Variants in UBA6 observed in about 807,000 individuals in gnomAD.
UBA6 encodes ubiquitin like modifier activating enzyme 6.
A neutral mutation model predicts 148.3 loss-of-function variants in UBA6; 87 were observed. That is an observed-to-expected ratio of 0.59 (90% confidence interval 0.49 to 0.70). UBA6 has a LOEUF of 0.70. UBA6 is among the 30% of genes least tolerant of loss of function. The pLI is 0.00. For synonymous variants in UBA6, 376 were observed against 401.0 expected (o/e 0.94, Z 0.75); for missense variants, 1,186 against 1,241.2 (o/e 0.96, Z 0.67).
chr4:67,687,053 T>TTTTTG (rs1730588730), intron 2 of UBA6, among the ~76,000 whole-genome samples: 1 of 146,248 alleles, frequency 6.8e-6, no homozygotes, highest in African/African-American at 2.6e-5. Context: ...TTTTTTTTTT[T>TTTTTG]GAGACAGAGT....
chr4:67,625,013 G>A lies in UBA6; in HGVS notation c.2693C>T (p.Thr898Ile), dbSNP rs947077541. 6.2e-7 allele frequency: 1 copy of A among 1,608,402 alleles called. No individual in the cohort carries two copies. Among genetic ancestry groups the A allele is most frequent in the Non-Finnish European group, 8.5e-7 (1 of 1,176,062 alleles). Residue 898 changes from threonine (T) to isoleucine (I), a missense_variant, in exon 29 of 33, where the codon ACT (threonine) becomes ATT (isoleucine). Coordinates refer to ENST00000322244, the MANE Select transcript of UBA6 (RefSeq NM_018227.6). ...GKIIPAIATTTATVSGLVALE... is the reference protein window; with the variant it reads ...GKIIPAIATTIATVSGLVALE... ...ACTTACCAAGCCAGAAACTGTAGCA[G>A]TGGTTGTTGCTATAGCAGGTATAAT...
intron 9 of UBA6, among the ~76,000 whole-genome samples, chr4:67,666,738 G>T (rs1312198686): frequency 6.6e-6 from 1 of 151,934 alleles, no homozygotes; most frequent in Non-Finnish European, 1.5e-5. Context: ...AGCCAGGTGT[G>T]GTGGCACACA....
rs775847041 is a variant in UBA6 at position 67,622,910 on chromosome 4, C to G, written c.2944G>C (p.Glu982Gln). Reference sequence around the variant, plus strand: ...ACTCCCTGTACCACCATTGTTGGCTCAATTCCATACTTCTCCTAAAAGTGA... The same window carrying G: ...ACTCCCTGTACCACCATTGTTGGCTGAATTCCATACTTCTCCTAAAAGTGA... ...INAVKEKYGI[E>Q]PTMVVQGVKM... Residue 982 changes from glutamate to glutamine, a missense_variant, in exon 32 of 33, where the codon GAG (glutamate) becomes CAG (glutamine). Glu to Gln is a conservative substitution (Grantham distance 29). Coordinates refer to ENST00000322244, the MANE Select transcript of UBA6 (RefSeq NM_018227.6). 1 of 1,609,110 alleles carries G rather than the reference C, an allele frequency of 6.2e-7. No individual in the cohort carries two copies. Among genetic ancestry groups the G allele is most frequent in the Non-Finnish European group, 8.5e-7 (1 of 1,178,086 alleles).
Position 67,618,994 on chromosome 4 carries a change from G to T in UBA6, c.*3C>A. 1 of 1,612,712 alleles carries T rather than the reference G, an allele frequency of 6.2e-7. No individual in the cohort carries two copies. On this transcript the variant is annotated 3_prime_UTR_variant, in exon 33 of 33. Coordinates refer to ENST00000322244, the MANE Select transcript of UBA6 (RefSeq NM_018227.6). ...TCCTGGAGTAACGTTAAGACAACTT[G>T]TATTAATCAGTGTCATGACTGAAGT... is the stretch of plus-strand genomic sequence containing the variant.
chr4:67,679,944 T>G (rs1472751379), intron 4 of UBA6, among the ~76,000 whole-genome samples: 1 of 152,106 alleles, frequency 6.6e-6, no homozygotes, highest in African/African-American at 2.4e-5. Flanking sequence ...TGGAACAATC[T>G]GAGCATCAAT....
At chr4:67,645,203 G>C (rs1328011895) in intron 16 of UBA6, among the ~76,000 whole-genome samples, 1 of 152,076 alleles carries the variant, frequency 6.6e-6, no homozygotes, top group East Asian at 1.9e-4. Context: ...AGAATAAGCA[G>C]TAATTTTCAG....
At chr4:67,660,380 G>A (rs1729818430) in intron 13 of UBA6, among the ~76,000 whole-genome samples, 1 of 152,170 alleles carries the variant, frequency 6.6e-6, no homozygotes, top group South Asian at 2.1e-4. Context: ...TGGGCCCAGG[G>A]CCTTGCTACT....
rs914961220 is a variant in UBA6 at position 67,643,219 on chromosome 4, T to TA, written c.1476+1478dup. 1.7e-4 allele frequency among the ~76,000 whole-genome samples: 26 copies of TA among 151,722 alleles called. No homozygotes were observed. The South Asian group carries it at 1.9e-3, about 11-fold the overall frequency. ...AAGTATAATAATAATAAAATAAAAT[T>TA]AAAAAAAATTCTATTATTGGTAGCA... On this transcript the variant is annotated intron_variant, in intron 17 of 32. Coordinates refer to ENST00000322244, the MANE Select transcript of UBA6 (RefSeq NM_018227.6).
intron 16 of UBA6, 80 bp downstream of exon 16, chr4:67,645,858 G>A (rs1729410759): frequency 6.3e-6 from 5 of 798,958 alleles, no homozygotes; most frequent in Non-Finnish European, 1.0e-5. Flanking sequence ...TACACACTTA[G>A]ACTCAAATTT....
At chr4:67,681,693 C>CT (rs1202851935) in intron 3 of UBA6, 102 bp from the exon 4 acceptor site, 7 of 733,886 alleles carry the variant, frequency 9.5e-6, no homozygotes, top group Admixed American at 2.9e-5. Flanking sequence ...CTTTTAACTT[C>CT]TTTTTTTACT....
chr4:67,699,947 T>C (rs1027512930), intron 1 of UBA6, among the ~76,000 whole-genome samples: 1 of 152,160 alleles, frequency 6.6e-6, no homozygotes, highest in East Asian at 1.9e-4. Context: ...TTATCCCTAG[T>C]ACACTTTCAC....
At chr4:67,700,942 C>T in intron 1 of UBA6, 107 bp downstream of exon 1, 2 of 1,409,934 alleles carry the variant, frequency 1.4e-6, no homozygotes, top group Non-Finnish European at 2.0e-6. Context: ...CTCTGCTCGG[C>T]CCCGCGGCCT....
Position 67,662,197 on chromosome 4 carries a change from C to T in UBA6, c.1096G>A (p.Glu366Lys), listed in dbSNP as rs1288000844. The T allele has an allele frequency of 6.2e-7, 1 of 1,613,440 alleles. No individual in the cohort carries two copies. The highest frequency in any genetic ancestry group is 8.5e-7 in the Non-Finnish European group (1 of 1,179,804). Reference protein sequence around the residue: ...KLATSISETLEEKPDVNADIV... With the variant: ...KLATSISETLKEKPDVNADIV... ...TAAATTTCAATAGTCACCTTCTCTT[C>T]CAAGGTTTCACTTATAGATGTTGCT... Residue 366 changes from glutamate to lysine, a missense_variant, in exon 13 of 33, where the codon GAA (glutamate) becomes AAA (lysine). Coordinates refer to ENST00000322244, the MANE Select transcript of UBA6 (RefSeq NM_018227.6).
intron 3 of UBA6, among the ~76,000 whole-genome samples, chr4:67,681,883 TAGAG>T (rs1730448561): frequency 6.6e-6 from 1 of 152,206 alleles, no homozygotes. Flanking sequence ...TTAATGGATA[TAGAG>T]AATGATAATT....
At chr4:67,688,618 GA>G (rs1053406459) in intron 2 of UBA6, among the ~76,000 whole-genome samples, 8 of 152,096 alleles carry the variant, frequency 5.3e-5, no homozygotes, top group African/African-American at 1.9e-4. Context: ...AGAATCTGTT[GA>G]TCAGTAAACT....
chr4:67,692,377 ACC>A (rs1364826783), intron 2 of UBA6, among the ~76,000 whole-genome samples: 1 of 152,198 alleles, frequency 6.6e-6, no homozygotes, highest in Non-Finnish European at 1.5e-5. Context: ...AGAAGCAAGC[ACC>A]AGGATTTAAG....
chr4:67,686,259 T>C (rs1022460581), intron 2 of UBA6, among the ~76,000 whole-genome samples: 2 of 152,132 alleles, frequency 1.3e-5, no homozygotes, highest in African/African-American at 4.8e-5. Flanking sequence ...GTAACACCCC[T>C]CCAAACATTT....
Position 67,672,563 on chromosome 4 carries a change from T to TA in UBA6, c.546+1133dup, listed in dbSNP as rs367967161. Among the ~76,000 whole-genome samples, 1,390 of 152,314 alleles carry TA rather than the reference T, an allele frequency of 9.1e-3. 32 individuals carry two copies. The highest frequency in any genetic ancestry group is 0.032 in the African/African-American group (1,326 of 41,562). ...TAAAACAGATTAAAACTCACAGGCC[T>TA]AAAAACTCAAATGTCTTCGAAGATC... On this transcript the variant is annotated intron_variant, in intron 7 of 32. Coordinates refer to ENST00000322244, the MANE Select transcript of UBA6 (RefSeq NM_018227.6).
Position 67,665,267 on chromosome 4 carries a change from A to C in UBA6, c.819T>G (p.Ile273Met). 6.2e-7 allele frequency: 1 copy of C among 1,603,042 alleles called. No homozygotes were observed. The highest frequency in any genetic ancestry group is 8.5e-7 in the Non-Finnish European group (1 of 1,176,942). ...ITVISPFSFSIGDTTELEPYL... is the reference protein window; with the variant it reads ...ITVISPFSFSMGDTTELEPYL... ...ATGGTTCCAGTTCTGTGGTGTCACC[A>C]ATACTAAAAGAAAATGGCGATATCA... is the stretch of plus-strand genomic sequence containing the variant. The change falls in exon 10 of 33, where the codon ATT becomes ATG. Residue 273 changes from isoleucine (I) to methionine (M), a missense_variant. Ile to Met is a conservative substitution (Grantham distance 10, BLOSUM62 1). Transcript: ENST00000322244.
Sources: allele counts gnomAD v4.1 joint callset (sites outside exome capture counted in the v4.1 genomes callset), GRCh38; gene constraint gnomAD v4.1.1; transcripts MANE v1.5; gene names NCBI Gene and HGNC (gene_info 2026-07-23, HGNC 2026-07-21).